The following LDLRAD4 variants were observed in gnomAD, a reference collection of about 807,000 sequenced individuals.
LDLRAD4 encodes low density lipoprotein receptor class A domain containing 4, also known as low-density lipoprotein receptor class A domain-containing protein 4.
In LDLRAD4, 5 loss-of-function variants were observed where a neutral mutation model predicts 17.0. The observed-to-expected ratio is 0.29, with a 90% CI of 0.15 to 0.62. The LOEUF is 0.62. LDLRAD4 is among the 20% of genes least tolerant of loss of function. The probability of loss-of-function intolerance (pLI) is 0.84; values close to 1 mark genes in which losing one functional copy is unlikely to be tolerated. For synonymous variants in LDLRAD4, 168 were observed against 171.8 expected, an observed-to-expected ratio of 0.98 and a Z score of 0.17; for missense variants, 340 against 424.7, an observed-to-expected ratio of 0.80 and a Z score of 1.75.
intron 3 of LDLRAD4, among the ~76,000 whole-genome samples, chr18:13,483,661 G>A (rs1040013558): frequency 2.0e-5 from 3 of 152,198 alleles, no homozygotes; most frequent in African/African-American, 7.2e-5. Context: ...GCCAGATACT[G>A]TGCGTGTTGT....
chr18:13,379,570 C>T (rs1474610539), intron 1 of LDLRAD4, among the ~76,000 whole-genome samples: 1 of 152,194 alleles, frequency 6.6e-6, no homozygotes, highest in Non-Finnish European at 1.5e-5. Context: ...CTGCTGTCTC[C>T]CCAGCTCCTA....
At chr18:13,635,419 C>A (rs868007428) in intron 4 of LDLRAD4, among the ~76,000 whole-genome samples, 1 of 152,102 alleles carries the variant, frequency 6.6e-6, no homozygotes, top group Non-Finnish European at 1.5e-5. Context: ...TTTCCCATCT[C>A]CCCCCAAAAA....
At chr18:13,587,103 G>C (rs2094946081) in intron 3 of LDLRAD4, among the ~76,000 whole-genome samples, 1 of 152,026 alleles carries the variant, frequency 6.6e-6, no homozygotes, top group Admixed American at 6.6e-5. Context: ...GGGTCAGAGG[G>C]TTCTCAAACT....
At chr18:13,358,716 T>C (rs946888346) in intron 1 of LDLRAD4, among the ~76,000 whole-genome samples, 1 of 152,208 alleles carries the variant, frequency 6.6e-6, no homozygotes, top group African/African-American at 2.4e-5. Flanking sequence ...GGAAAAGCAA[T>C]TCTAACCCTG....
At chr18:13,600,383 C>G (rs1296394769) in intron 3 of LDLRAD4, among the ~76,000 whole-genome samples, 1 of 152,130 alleles carries the variant, frequency 6.6e-6, no homozygotes, top group African/African-American at 2.4e-5. Flanking sequence ...TGAAATGAGA[C>G]ATGTGAGGAC....
At chr18:13,262,547 G>GCC (rs2043930837) in intron 1 of LDLRAD4, among the ~76,000 whole-genome samples, 1 of 129,014 alleles carries the variant, frequency 7.8e-6, no homozygotes, top group African/African-American at 3.2e-5. Context: ...GTCCCGTGCG[G>GCC]CTCTGTGCGT....
chr18:13,279,199 G>A (rs887696042), intron 1 of LDLRAD4, among the ~76,000 whole-genome samples: 2 of 152,212 alleles, frequency 1.3e-5, no homozygotes, highest in African/African-American at 2.4e-5. Context: ...CACCCAGACC[G>A]CACGCCTTGT....
chr18:13,325,573 T>C (rs1476612046), intron 1 of LDLRAD4, among the ~76,000 whole-genome samples: 1 of 152,120 alleles, frequency 6.6e-6, no homozygotes, highest in Non-Finnish European at 1.5e-5. Context: ...TCCTGTGGAC[T>C]CCTCAGCTGC....
chr18:13,456,212 G>T (rs2092124252), intron 3 of LDLRAD4, among the ~76,000 whole-genome samples: 2 of 152,194 alleles, frequency 1.3e-5, no homozygotes, highest in Admixed American at 1.3e-4. Context: ...GACTGGCTGT[G>T]GTGGGGAACG....
intron 1 of LDLRAD4, among the ~76,000 whole-genome samples, chr18:13,232,350 G>A (rs1172736624): frequency 6.6e-6 from 1 of 152,230 alleles, no homozygotes; most frequent in Non-Finnish European, 1.5e-5. Context: ...TCTGTGGCCT[G>A]TGCCCCTTTT....
intron 3 of LDLRAD4, among the ~76,000 whole-genome samples, chr18:13,581,954 G>A (rs796596741): frequency 2.0e-5 from 3 of 152,058 alleles, no homozygotes; most frequent in Admixed American, 6.5e-5. Context: ...AGCATTTGAC[G>A]GTCCACCCCC....
chr18:13,612,923 A>G (rs2039738775), intron 3 of LDLRAD4: 2 of 812,272 alleles, frequency 2.5e-6, no homozygotes, highest in South Asian at 3.7e-5. Context: ...CTGTCAACTC[A>G]GAACATTTCC....
At chr18:13,232,669 G>T (rs989881197) in intron 1 of LDLRAD4, among the ~76,000 whole-genome samples, 3 of 152,108 alleles carry the variant, frequency 2.0e-5, no homozygotes, top group African/African-American at 7.2e-5. Context: ...TGACTCTTCC[G>T]CTGTGGCTGC....
At chr18:13,257,951 T>C (rs1401010021) in intron 1 of LDLRAD4, among the ~76,000 whole-genome samples, 14 of 152,196 alleles carry the variant, frequency 9.2e-5, no homozygotes, top group Admixed American at 9.2e-4. Context: ...AGGCCTGTAA[T>C]GCCAGGCTGA....
intron 1 of LDLRAD4, among the ~76,000 whole-genome samples, chr18:13,317,448 T>TA (rs1314807010): frequency 1.3e-5 from 2 of 152,234 alleles, no homozygotes; most frequent in Admixed American, 6.5e-5. Context: ...TTGATGGACT[T>TA]ACAGATAAGA....
intron 1 of LDLRAD4, among the ~76,000 whole-genome samples, chr18:13,281,061 A>G (rs1161839719): frequency 1.3e-5 from 2 of 152,212 alleles, no homozygotes; most frequent in African/African-American, 4.8e-5. Flanking sequence ...ATGTGTGTAT[A>G]AAGTGATCTT....
At chr18:13,635,208 T>C (rs2041974559) in intron 4 of LDLRAD4, among the ~76,000 whole-genome samples, 1 of 152,218 alleles carries the variant, frequency 6.6e-6, no homozygotes, top group Non-Finnish European at 1.5e-5. Flanking sequence ...AGGTCAGACA[T>C]GAGAGACCAC....
intron 3 of LDLRAD4, among the ~76,000 whole-genome samples, chr18:13,601,586 G>A (rs1003428424): frequency 3.3e-5 from 5 of 151,582 alleles, no homozygotes; most frequent in East Asian, 1.9e-4. Context: ...CCCGGGAGGC[G>A]GAGCTTGCAG....
chr18:13,313,938 CAGAAAG>C (rs1266385826), intron 1 of LDLRAD4, among the ~76,000 whole-genome samples: 15 of 152,058 alleles, frequency 9.9e-5, no homozygotes, highest in Admixed American at 7.9e-4. Context: ...GTTGTGATGT[CAGAAAG>C]AGAGGGAAGT....
Sources: allele counts gnomAD v4.1 joint callset (sites outside exome capture counted in the v4.1 genomes callset), GRCh38; gene constraint gnomAD v4.1.1; transcripts MANE v1.5; gene names NCBI Gene and HGNC (gene_info 2026-07-23, HGNC 2026-07-21).